The following USP6NL variants were observed in gnomAD, a reference collection of about 807,000 sequenced individuals.
USP6NL encodes USP6 N-terminal like.
USP6NL carries 26 observed loss-of-function variants against 61.9 expected under a neutral mutation model. The observed-to-expected ratio is 0.42, with a 90% CI of 0.31 to 0.58. The LOEUF (loss-of-function observed/expected upper bound fraction) is 0.58. Among genes scored for constraint, USP6NL ranks in the 20% least tolerant of loss-of-function variants. The pLI, the probability that USP6NL is intolerant of heterozygous loss-of-function variation, is 0.16. For synonymous variants in USP6NL, 432 were observed against 390.1 expected, an observed-to-expected ratio of 1.11 and a Z score of -1.27; for missense variants, 1,114 against 1,034.3, an observed-to-expected ratio of 1.08 and a Z score of -1.06.
chr10:11,507,533 A>C (rs1834504277), intron 6 of USP6NL, among the ~76,000 whole-genome samples: 1 of 152,234 alleles, frequency 6.6e-6, no homozygotes, highest in Admixed American at 6.5e-5. Flanking sequence ...TAGTATGCTC[A>C]AAAAGAAAAG....
rs1838182162 is a variant in USP6NL, at chr10:11,592,346, G to A, written c.4+5285C>T. 6.6e-6 allele frequency among the ~76,000 whole-genome samples: 1 copy of A among 152,100 alleles called. No homozygotes were observed. The highest frequency in any genetic ancestry group is 1.5e-5 in the Non-Finnish European group (1 of 68,034). ...CTGGCATTCTTCACCACTGACTACA[G>A]CTAAAGGCTGCCACAGGTCTGACAG... On this transcript the variant is annotated intron_variant, in intron 2 of 14. Transcript: ENST00000609104. This position sits in a 1 kb window ranked among gnomAD's most constrained non-coding sequence, Gnocchi z 4.7.
rs369226347 is a variant in USP6NL, at chr10:11,587,509, G to A, written c.4+10122C>T. On this transcript the variant is annotated intron_variant, in intron 2 of 14. Coordinates refer to ENST00000609104, the MANE Select transcript of USP6NL (RefSeq NM_014688.5). This position sits in a 1 kb window ranked among gnomAD's most constrained non-coding sequence, Gnocchi z 4.5. ...CCCATAAATCTCTACAGCCTAATCA[G>A]AATCAGAGTCTTAAAATGTCCATTT... Among the ~76,000 whole-genome samples, 2 of 152,206 alleles carry A rather than the reference G, an allele frequency of 1.3e-5. No homozygotes were observed. Among genetic ancestry groups the A allele is most frequent in the African/African-American group, 4.8e-5 (2 of 41,522 alleles).
In USP6NL at chr10:11,463,294, C is replaced by A. The variant is rs1015578106; in HGVS notation, c.1634G>T (p.Gly545Val). 1.2e-6 allele frequency: 2 copies of A among 1,613,730 alleles called. No homozygotes were observed. Among genetic ancestry groups the A allele is most frequent in the Non-Finnish European group, 1.7e-6 (2 of 1,179,890 alleles). The change falls in exon 15 of 15, where the codon GGC (glycine) becomes GTC (valine). Residue 545 changes from glycine (G) to valine (V), a missense_variant. Coordinates refer to ENST00000609104, the MANE Select transcript of USP6NL (RefSeq NM_014688.5). The surrounding 1 kb of genome is among the most constrained non-coding windows in gnomAD (Gnocchi z 6.3). ...KALDAEDGKR[G>V]STASQYDNVP... ...GTTGTCGTACTGCGATGCAGTGGAG[C>A]CCCGCTTCCCGTCCTCAGCATCCAG...
At chr10:11,557,764 C>G (rs1836770988) in intron 2 of USP6NL, among the ~76,000 whole-genome samples, 1 of 152,140 alleles carries the variant, frequency 6.6e-6, no homozygotes, top group African/African-American at 2.4e-5. Context: ...GCACACATGG[C>G]ATACTACACG....
chr10:11,551,455 A>T (rs1022362901), intron 2 of USP6NL, among the ~76,000 whole-genome samples: 4 of 152,236 alleles, frequency 2.6e-5, no homozygotes, highest in Non-Finnish European at 5.9e-5. Context: ...TTACCACTGT[A>T]ACCAGTGCTT....
chr10:11,471,218 A>C (rs190161493), intron 14 of USP6NL, among the ~76,000 whole-genome samples: 11 of 152,176 alleles, frequency 7.2e-5, no homozygotes, highest in South Asian at 4.2e-4. Context: ...AACACCACCA[A>C]CAACAAAAAA....
At chr10:11,471,536 C>T (rs1215183353) in intron 14 of USP6NL, among the ~76,000 whole-genome samples, 1 of 152,140 alleles carries the variant, frequency 6.6e-6, no homozygotes, top group Non-Finnish European at 1.5e-5. Flanking sequence ...CGTATGTTTA[C>T]TGTGGCACTA....
intron 1 of USP6NL, among the ~76,000 whole-genome samples, chr10:11,609,611 T>G (rs1838815839): frequency 6.6e-6 from 1 of 152,180 alleles, no homozygotes; most frequent in South Asian, 2.1e-4. Flanking sequence ...ATTTTGTTTG[T>G]TTTCAGTTTG....
intron 2 of USP6NL, among the ~76,000 whole-genome samples, chr10:11,539,255 T>C (rs993457838): frequency 5.3e-5 from 8 of 152,186 alleles, no homozygotes; most frequent in African/African-American, 1.9e-4. Flanking sequence ...GTTGGCTGTG[T>C]CAGTCACCCA....
chr10:11,491,372 G>A lies in USP6NL; in HGVS notation c.495-492C>T, dbSNP rs1329476811. 6.6e-6 allele frequency among the ~76,000 whole-genome samples: 1 copy of A among 152,196 alleles called. No individual in the cohort carries two copies. The highest frequency in any genetic ancestry group is 1.5e-5 in the Non-Finnish European group (1 of 68,030). On this transcript the variant is annotated intron_variant, in intron 8 of 14. Transcript: ENST00000609104. This position sits in a 1 kb window ranked among gnomAD's most constrained non-coding sequence, Gnocchi z 4.7. ...AGATTCAAAGGCTGCAAGTAGGAGT[G>A]GCTCCACTCATCATTCTCTCTAGAG...
At chr10:11,539,355 T>C (rs184671648) in intron 2 of USP6NL, among the ~76,000 whole-genome samples, 5 of 152,348 alleles carry the variant, frequency 3.3e-5, no homozygotes, top group African/African-American at 4.8e-5. Flanking sequence ...AGGAGACAAT[T>C]TGATCTCCAT....
At chr10:11,517,227 A>T (rs1471002930) in intron 5 of USP6NL, among the ~76,000 whole-genome samples, 1 of 152,252 alleles carries the variant, frequency 6.6e-6, no homozygotes, top group Non-Finnish European at 1.5e-5. Flanking sequence ...CAAAAGAGAG[A>T]TCATAGTCAG....
intron 1 of USP6NL, among the ~76,000 whole-genome samples, chr10:11,609,522 T>A (rs1192989769): frequency 6.6e-6 from 1 of 152,246 alleles, no homozygotes. Flanking sequence ...CTTGTCTCGT[T>A]CTCGCTACCT....
chr10:11,576,360 C>CCGTGATCTGAATGTCTAAGT (rs2133588712), intron 2 of USP6NL, among the ~76,000 whole-genome samples: 1 of 152,248 alleles, frequency 6.6e-6, no homozygotes, highest in African/African-American at 2.4e-5. Context: ...TCCCTCCATG[C>CCGTGATCTGAATGTCTAAGT]CGTGATCTGA....
At chr10:11,554,042 T>C (rs1369117749) in intron 2 of USP6NL, among the ~76,000 whole-genome samples, 1 of 152,174 alleles carries the variant, frequency 6.6e-6, no homozygotes, top group African/African-American at 2.4e-5. Context: ...TCCTCTATCC[T>C]CTGTAAGGCC....
intron 7 of USP6NL, among the ~76,000 whole-genome samples, chr10:11,500,135 T>TGATGAGGAA (rs1243017069): frequency 1.3e-5 from 2 of 152,056 alleles, no homozygotes; most frequent in Non-Finnish European, 2.9e-5. Context: ...TACGGGCACA[T>TGATGAGGAA]GATGAGGAAC....
chr10:11,480,418 G>A (rs528303216), intron 14 of USP6NL, among the ~76,000 whole-genome samples: 19 of 151,974 alleles, frequency 1.3e-4, no homozygotes, highest in Non-Finnish European at 2.6e-4. Flanking sequence ...TCTTTTTATA[G>A]AAGGAGGCAA....
rs1832602993 is a variant in USP6NL, at chr10:11,468,934, G to C, written c.1079-5085C>G. 6.6e-6 allele frequency among the ~76,000 whole-genome samples: 1 copy of C among 152,130 alleles called. No individual in the cohort carries two copies. Among genetic ancestry groups the C allele is most frequent in the South Asian group, 2.1e-4 (1 of 4,818 alleles). ...CAAAGGTATGTGTCATACATACGTA[G>C]GAGATTTAATTTTTTAATATAAGGA... On this transcript the variant is annotated intron_variant, in intron 14 of 14. Coordinates refer to ENST00000609104, the MANE Select transcript of USP6NL (RefSeq NM_014688.5). This position sits in a 1 kb window ranked among gnomAD's most constrained non-coding sequence, Gnocchi z 4.5.
chr10:11,608,600 C>G (rs925529008), intron 1 of USP6NL, among the ~76,000 whole-genome samples: 1 of 152,170 alleles, frequency 6.6e-6, no homozygotes, highest in Admixed American at 6.5e-5. Flanking sequence ...GGGGACTTGC[C>G]CTGACTCCCT....
Sources: gnomAD v4.1 joint callset for allele counts (sites outside exome capture counted in the v4.1 genomes callset) on GRCh38, gnomAD v4.1.1 for gene constraint, Gnocchi (gnomAD v3.1) non-coding constraint, MANE v1.5 for transcripts, NCBI Gene and HGNC (gene_info 2026-07-23, HGNC 2026-07-21) for gene names.